Variants in MALRD1 observed in about 807,000 individuals in gnomAD.
MALRD1 encodes the protein MAM and LDL-receptor class A domain-containing protein 1.
MALRD1 carries 247 observed loss-of-function variants against 242.1 expected under a neutral mutation model. The observed-to-expected ratio is 1.02, with a 90% CI of 0.92 to 1.13. The LOEUF (loss-of-function observed/expected upper bound fraction) is 1.13, where lower values mean the gene tolerates loss of function less well. Among genes scored for constraint, MALRD1 ranks in the 50% most tolerant of loss-of-function variants. The pLI is 0.00. For synonymous variants in MALRD1, 995 were observed against 866.6 expected, an observed-to-expected ratio of 1.15 and a Z score of -2.60; for missense variants, 2,989 against 2,533.1, an observed-to-expected ratio of 1.18 and a Z score of -3.86.
intron 29 of MALRD1, among the ~76,000 whole-genome samples, chr10:19,480,547 C>T (rs1836947882): frequency 6.6e-6 from 1 of 152,152 alleles, no homozygotes; most frequent in African/African-American, 2.4e-5. Context: ...GGCATATCAG[C>T]AGTAGCAGTA....
In MALRD1 at chr10:19,354,828, C is replaced by T. The variant is rs578089959; in HGVS notation, c.4441+2531C>T. ...CAATTACCCTGATTTGATCATTACA[C>T]ATCACATGCTTGTATCAAAATATTA... is the stretch of plus-strand genomic sequence containing the variant. On this transcript the variant is annotated intron_variant, in intron 26 of 39. Coordinates refer to ENST00000454679, the MANE Select transcript of MALRD1 (RefSeq NM_001142308.3). Among the ~76,000 whole-genome samples the T allele has an allele frequency of 7.2e-5, 11 of 152,220 alleles. 1 individual carries two copies. The South Asian group carries it at 1.2e-3, about 17-fold the overall frequency.
intron 23 of MALRD1, among the ~76,000 whole-genome samples, chr10:19,328,939 C>T (rs913901094): frequency 2.0e-5 from 3 of 152,182 alleles, no homozygotes; most frequent in South Asian, 4.1e-4. Flanking sequence ...CTCTGCCACA[C>T]TTGGGCTTCC....
intron 18 of MALRD1, among the ~76,000 whole-genome samples, chr10:19,216,448 C>G (rs72786586): frequency 0.065 from 9,930 of 152,032 alleles, 434 homozygotes; most frequent in Middle Eastern, 0.11. Flanking sequence ...CCTCCTCTCT[C>G]ATTCCCATAT....
intron 32 of MALRD1, among the ~76,000 whole-genome samples, chr10:19,536,020 C>A (rs1342290512): frequency 6.6e-6 from 1 of 152,188 alleles, no homozygotes; most frequent in African/African-American, 2.4e-5. Flanking sequence ...AAATTGTAGA[C>A]TGTGGGAGTA....
intron 36 of MALRD1, among the ~76,000 whole-genome samples, chr10:19,653,466 G>A (rs940020086): frequency 5.3e-5 from 8 of 152,202 alleles, no homozygotes; most frequent in African/African-American, 1.9e-4. Flanking sequence ...CCCAAAGCAA[G>A]ATTTTTTGTT....
chr10:19,690,249 A>C (rs1842760757), intron 36 of MALRD1, among the ~76,000 whole-genome samples: 1 of 152,088 alleles, frequency 6.6e-6, no homozygotes, highest in Non-Finnish European at 1.5e-5. Context: ...CCCTTACAGT[A>C]GTTTATTTCC....
At chr10:19,152,503 T>C (rs777284666) in intron 11 of MALRD1, among the ~76,000 whole-genome samples, 3 of 149,722 alleles carry the variant, frequency 2.0e-5, no homozygotes, top group Non-Finnish European at 4.4e-5. Context: ...GAGTTTGCAG[T>C]CTTTCACAAA....
chr10:19,612,932 G>C (rs939683986), intron 35 of MALRD1, among the ~76,000 whole-genome samples: 79 of 151,946 alleles, frequency 5.2e-4, no homozygotes, highest in African/African-American at 1.8e-3. Flanking sequence ...ATTTGGATAG[G>C]GACACAGAAC....
At chr10:19,325,162 T>C (rs1368561181) in intron 22 of MALRD1, among the ~76,000 whole-genome samples, 4 of 151,914 alleles carry the variant, frequency 2.6e-5, no homozygotes, top group Non-Finnish European at 4.4e-5. Flanking sequence ...TTTACTGTTT[T>C]ATATCAATGT....
At chr10:19,288,855 T>A (rs1841269413) in intron 21 of MALRD1, among the ~76,000 whole-genome samples, 1 of 152,078 alleles carries the variant, frequency 6.6e-6, no homozygotes, top group South Asian at 2.1e-4. Flanking sequence ...AGAAAACTAA[T>A]GGTGTCTCTG....
At chr10:19,513,067 G>A (rs1833473318) in intron 31 of MALRD1, among the ~76,000 whole-genome samples, 1 of 152,072 alleles carries the variant, frequency 6.6e-6, no homozygotes, top group African/African-American at 2.4e-5. Context: ...ATCTTACTGT[G>A]TTCACTTAAA....
intron 33 of MALRD1, among the ~76,000 whole-genome samples, chr10:19,586,407 G>A (rs1280716680): frequency 6.6e-6 from 1 of 152,172 alleles, no homozygotes; most frequent in Non-Finnish European, 1.5e-5. Flanking sequence ...GGTTTTTGGT[G>A]TGGATGTCCT....
intron 2 of MALRD1, among the ~76,000 whole-genome samples, chr10:19,070,759 C>T (rs1235021057): frequency 1.4e-5 from 2 of 146,892 alleles, no homozygotes; most frequent in Middle Eastern, 3.6e-3. Flanking sequence ...CTCTGGGATG[C>T]ATTATATATA....
chr10:19,468,936 T>A (rs3904903), intron 29 of MALRD1, among the ~76,000 whole-genome samples: 1 of 152,076 alleles, frequency 6.6e-6, no homozygotes, highest in Admixed American at 6.6e-5. Context: ...TCCCTCCTCT[T>A]AATTTTTTTA....
intron 34 of MALRD1, among the ~76,000 whole-genome samples, chr10:19,605,434 C>T (rs997736199): frequency 6.6e-6 from 1 of 150,712 alleles, no homozygotes; most frequent in Non-Finnish European, 1.5e-5. Flanking sequence ...TTCCAAAGTG[C>T]TGGGATTACA....
chr10:19,213,158 C>T (rs1403136111), intron 18 of MALRD1, among the ~76,000 whole-genome samples: 2 of 151,940 alleles, frequency 1.3e-5, no homozygotes, highest in Non-Finnish European at 2.9e-5. Context: ...GAAAGCTTTG[C>T]CTTACTCAGA....
chr10:19,299,339 T>G (rs1299453719), intron 21 of MALRD1, among the ~76,000 whole-genome samples: 7 of 151,986 alleles, frequency 4.6e-5, no homozygotes, highest in African/African-American at 7.2e-5. Context: ...TGGAGAAAGA[T>G]CTATCAAATA....
chr10:19,272,097 A>ATT (rs1473249619), intron 19 of MALRD1, among the ~76,000 whole-genome samples: 3 of 152,164 alleles, frequency 2.0e-5, no homozygotes, highest in Non-Finnish European at 4.4e-5. Flanking sequence ...TATAAATTAG[A>ATT]TTATAATCAT....
chr10:19,180,481 C>T (rs921092054), intron 14 of MALRD1, among the ~76,000 whole-genome samples: 6 of 152,148 alleles, frequency 3.9e-5, no homozygotes, highest in African/African-American at 4.8e-5. Context: ...AAAATAGTCT[C>T]GTCAGTAAAT....
Sources: gnomAD v4.1 joint callset for allele counts (sites outside exome capture counted in the v4.1 genomes callset) on GRCh38, gnomAD v4.1.1 for gene constraint, MANE v1.5 for transcripts, NCBI Gene and HGNC (gene_info 2026-07-23, HGNC 2026-07-21) for gene names.